Variants in LAMA4 observed in about 807,000 individuals in gnomAD.
LAMA4 encodes laminin subunit alpha-4.
A neutral mutation model predicts 207.1 loss-of-function variants in LAMA4; 127 were observed. The ratio of observed to expected loss-of-function variants is 0.61; its 90% CI spans 0.53 to 0.71. The LOEUF (loss-of-function observed/expected upper bound fraction) is 0.71. Among genes scored for constraint, LAMA4 ranks in the 30% least tolerant of loss-of-function variants. LAMA4 has a pLI of 0.00. For synonymous variants in LAMA4, 761 were observed against 816.0 expected (o/e 0.93, Z 1.15); for missense variants, 2,093 against 2,246.5 (o/e 0.93, Z 1.38).
intron 4 of LAMA4, among the ~76,000 whole-genome samples, chr6:112,206,581 TG>T (rs1487846083): frequency 6.6e-6 from 1 of 152,200 alleles, no homozygotes; most frequent in Non-Finnish European, 1.5e-5. Flanking sequence ...TGCATTCTGT[TG>T]ATCTGTGTTC....
intron 19 of LAMA4, among the ~76,000 whole-genome samples, chr6:112,144,115 C>T (rs780663881): frequency 6.1e-4 from 93 of 152,142 alleles, no homozygotes; most frequent in Non-Finnish European, 9.9e-4. Context: ...TAAAAAAATT[C>T]AAGAGGTCCA....
At position 112,117,003 on chromosome 6, in the gene LAMA4, G is replaced by A. The variant is rs587708247; in HGVS notation, c.4981+736C>T. ...TTTAAAAAGTAAACTTGGCTGCAGT[G>A]TAATTTCTTTATTCAGGGGATGTGC... On this transcript the variant is annotated intron_variant, in intron 35 of 38. Transcript: ENST00000230538. The surrounding 1 kb of genome is among the most constrained non-coding windows in gnomAD (Gnocchi z 4.5). 7.2e-5 allele frequency among the ~76,000 whole-genome samples: 11 copies of A among 152,278 alleles called. No individual in the cohort carries two copies. The highest frequency in any genetic ancestry group is 4.6e-4 in the Admixed American group (7 of 15,296).
intron 3 of LAMA4, among the ~76,000 whole-genome samples, chr6:112,208,061 A>G (rs1293346036): frequency 6.6e-6 from 1 of 152,322 alleles, no homozygotes; most frequent in East Asian, 1.9e-4. Context: ...GCTTTCTTCT[A>G]TGGGACTATA....
intron 2 of LAMA4, among the ~76,000 whole-genome samples, chr6:112,227,073 ATT>A (rs1785259724): frequency 2.7e-5 from 4 of 149,582 alleles, no homozygotes; most frequent in African/African-American, 1.0e-4. Context: ...TTATTTATTT[ATT>A]TATTTATTTA....
At chr6:112,151,042 C>G (rs1232758173) in intron 16 of LAMA4, among the ~76,000 whole-genome samples, 1 of 151,700 alleles carries the variant, frequency 6.6e-6, no homozygotes, top group South Asian at 2.1e-4. Context: ...ATATAACATA[C>G]ATCTAGAAAA....
chr6:112,187,599 AG>A lies in LAMA4; in HGVS notation c.816del (p.Cys273ValfsTer8). 1 of 1,613,852 alleles carries A rather than the reference AG, an allele frequency of 6.2e-7. No individual in the cohort carries two copies. Among genetic ancestry groups the A allele is most frequent in the Non-Finnish European group, 8.5e-7 (1 of 1,179,916 alleles). On this transcript the variant is annotated frameshift_variant and splice_region_variant, in exon 8 of 39. Transcript: ENST00000230538. LOFTEE classifies it high-confidence loss of function. ...PPTGMDCPTI[S>X]CDKCVWDLTD... ...GTCAGGTCCCAGACGCACTTATCAC[AG>A]CCTGGAGGTGAAACATTTCTTCAGA...
Position 112,254,125 on chromosome 6 carries a change from G to A in LAMA4, c.26C>T (p.Ser9Leu). The change falls in exon 2 of 39, where the codon TCG becomes TTG. Residue 9 changes from serine (S) to leucine (L), a missense_variant. Ser to Leu is a moderately radical substitution (Grantham distance 145). Around this residue, in one of 3 missense-constraint regions of LAMA4, gnomAD observed 1,704 missense variants for 1,788.4 expected, o/e 0.95. Coordinates refer to ENST00000230538, the MANE Select transcript of LAMA4 (RefSeq NM_001105206.3). Reference sequence around the variant, plus strand: ...CCAGAGGAGCCACAGAGGCAGAACCGAGCGCCAGGCTGAGCTCAAAGCCAT... The same window carrying A: ...CCAGAGGAGCCACAGAGGCAGAACCAAGCGCCAGGCTGAGCTCAAAGCCAT... MALSSAWR[S>L]VLPLWLLWSA... The A allele has an allele frequency of 6.2e-7, 1 of 1,612,924 alleles. No homozygotes were observed. Among genetic ancestry groups the A allele is most frequent in the African/African-American group, 1.3e-5 (1 of 75,064 alleles).
At position 112,232,123 on chromosome 6, in the gene LAMA4, C is replaced by T. The variant is rs13211954; in HGVS notation, c.196-15654G>A. Reference sequence around the variant, plus strand: ...CCAAGTATTTCAGAGTGGCAGTCGGCTCAGGGACACTGGTAACAAGGCCAT... The same window carrying T: ...CCAAGTATTTCAGAGTGGCAGTCGGTTCAGGGACACTGGTAACAAGGCCAT... On this transcript the variant is annotated intron_variant, in intron 2 of 38. Coordinates refer to ENST00000230538, the MANE Select transcript of LAMA4 (RefSeq NM_001105206.3). Among the ~76,000 whole-genome samples, 207 of 152,242 alleles carry T rather than the reference C, an allele frequency of 1.4e-3. 2 individuals carry two copies. The highest frequency in any genetic ancestry group is 2.4e-3 in the Admixed American group (36 of 15,290).
At chr6:112,186,643 A>G (rs1782699189) in intron 8 of LAMA4, 11 of 379,412 alleles carry the variant, frequency 2.9e-5, no homozygotes, top group South Asian at 2.3e-4. Context: ...CCTCCAGAAT[A>G]CTTTAAATCA....
At chr6:112,216,495 T>C (rs900760216) in intron 2 of LAMA4, 26 bp from the exon 3 acceptor site, 1 of 1,470,736 alleles carries the variant, frequency 6.8e-7, no homozygotes, top group African/African-American at 1.4e-5. Flanking sequence ...CAAACCATTT[T>C]GATTATTGAA....
At chr6:112,156,489 C>G (rs1449602849) in intron 14 of LAMA4, among the ~76,000 whole-genome samples, 1 of 152,080 alleles carries the variant, frequency 6.6e-6, no homozygotes, top group Non-Finnish European at 1.5e-5. Context: ...CTATGTGTAC[C>G]CGCATAATTT....
chr6:112,203,261 T>G (rs1003540459), intron 4 of LAMA4, among the ~76,000 whole-genome samples: 3 of 152,200 alleles, frequency 2.0e-5, no homozygotes, highest in African/African-American at 7.2e-5. Flanking sequence ...TAGAAAATCC[T>G]TAGGAACTTA....
chr6:112,164,672 A>G (rs17073430), intron 13 of LAMA4, among the ~76,000 whole-genome samples: 8,837 of 152,294 alleles, frequency 0.058, 688 homozygotes, highest in African/African-American at 0.18. Flanking sequence ...ATGATAGTTC[A>G]GTTCACTGCA....
chr6:112,183,320 G>A (rs1583821832), intron 9 of LAMA4, among the ~76,000 whole-genome samples: 1 of 152,272 alleles, frequency 6.6e-6, no homozygotes, highest in East Asian at 1.9e-4. Flanking sequence ...CTGGGCATTT[G>A]TTTTGAAATG....
chr6:112,196,763 C>T (rs1554350619), intron 5 of LAMA4, among the ~76,000 whole-genome samples: 1 of 152,110 alleles, frequency 6.6e-6, no homozygotes, highest in Admixed American at 6.6e-5. Context: ...ATGACTGACT[C>T]CTGTCACTAC....
chr6:112,109,175 T>C lies in LAMA4; in HGVS notation c.*262A>G. 1 of 486,612 alleles carries C rather than the reference T, an allele frequency of 2.1e-6. No individual in the cohort carries two copies. The highest frequency in any genetic ancestry group is 1.9e-5 in the African/African-American group (1 of 51,706). 30.1% of individuals were successfully genotyped at this position (486,612 alleles called of 1,614,324 possible). ...TTTATTAGAAACAGAAACAGTAATTTCACCAGTAGGAATTGCGTGTGCTCT... is the reference window on the plus strand; with the variant it reads ...TTTATTAGAAACAGAAACAGTAATTCCACCAGTAGGAATTGCGTGTGCTCT... On this transcript the variant is annotated 3_prime_UTR_variant, in exon 39 of 39. Coordinates refer to ENST00000230538, the MANE Select transcript of LAMA4 (RefSeq NM_001105206.3).
At chr6:112,157,488 C>T (rs782420580) in intron 14 of LAMA4, among the ~76,000 whole-genome samples, 31 of 152,270 alleles carry the variant, frequency 2.0e-4, no homozygotes, top group Admixed American at 5.9e-4. Flanking sequence ...GAAGATGTCT[C>T]TAAGTTGAAA....
In LAMA4 at chr6:112,187,596, C is replaced by T. The variant is rs1554347193; in HGVS notation, c.820G>A (p.Asp274Asn). The T allele has an allele frequency of 1.2e-6, 2 of 1,613,888 alleles. No homozygotes were observed. Among genetic ancestry groups the T allele is most frequent in the Non-Finnish European group, 8.5e-7 (1 of 1,179,934 alleles). The change falls in exon 8 of 39, where the codon GAT (aspartate) becomes AAT (asparagine). Residue 274 changes from aspartate to asparagine, a missense_variant. By Grantham distance (23) the Asp-to-Asn change is conservative. Transcript: ENST00000230538. ...TCAGTCAGGTCCCAGACGCACTTAT[C>T]ACAGCCTGGAGGTGAAACATTTCTT... ...TGMDCPTISCDKCVWDLTDDL... is the reference protein window; with the variant it reads ...TGMDCPTISCNKCVWDLTDDL...
chr6:112,187,370 A>G, intron 8 of LAMA4, 80 bp downstream of exon 8: 1 of 1,521,910 alleles, frequency 6.6e-7, no homozygotes, highest in South Asian at 1.1e-5. Context: ...CAGATACAAA[A>G]AGGGGTAGAA....
Sources: allele counts gnomAD v4.1 joint callset (sites outside exome capture counted in the v4.1 genomes callset), GRCh38; gene constraint gnomAD v4.1.1; regional missense constraint gnomAD v4.1.1; non-coding constraint Gnocchi (gnomAD v3.1); transcripts MANE v1.5; gene names NCBI Gene and HGNC (gene_info 2026-07-23, HGNC 2026-07-21).